Variants in RIN3 observed in about 807,000 individuals in gnomAD.
RIN3 encodes the protein RAB5 interacting protein 3.
A neutral mutation model predicts 76.3 loss-of-function variants in RIN3; 54 were observed. The ratio of observed to expected loss-of-function variants is 0.71; its 90% CI spans 0.57 to 0.89. The LOEUF (loss-of-function observed/expected upper bound fraction) is 0.89, where lower values mean the gene tolerates loss of function less well. RIN3 is among the 40% of genes least tolerant of loss of function. RIN3 has a pLI of 0.00. For synonymous variants in RIN3, 576 were observed against 564.0 expected, an observed-to-expected ratio of 1.02 and a Z score of -0.30; for missense variants, 1,256 against 1,322.1, an observed-to-expected ratio of 0.95 and a Z score of 0.78.
In RIN3 at chr14:92,537,634, C is replaced by CTTTTTTTTTTTTTTTTTTT. The variant is rs576683908; in HGVS notation, c.45-18108_45-18090dup. ...CAGCTATAAGTGAGTGCCTTAGGGA[C>CTTTTTTTTTTTTTTTTTTT]TTTTTTTTTTTTTTTTTTTTTTTTT... On this transcript the variant is annotated intron_variant, in intron 1 of 9. Transcript: ENST00000216487. Among the ~76,000 whole-genome samples, 45 of 51,636 alleles carry CTTTTTTTTTTTTTTTTTTT rather than the reference C, an allele frequency of 8.7e-4. 1 individual carries two copies. The highest frequency in any genetic ancestry group is 1.6e-3 in the East Asian group (2 of 1,264). The allele number at this position is 51,636 out of a possible 152,430, so 33.9% of individuals were successfully genotyped here. A position where few individuals can be genotyped will look rare whatever the true frequency, so the allele number is the denominator to read the frequency against.
intron 7 of RIN3, among the ~76,000 whole-genome samples, chr14:92,673,865 C>T (rs1486828076): frequency 6.6e-6 from 1 of 152,216 alleles, no homozygotes; most frequent in African/African-American, 2.4e-5. Context: ...TACTGTGCAA[C>T]AGGAGCAGTC....
intron 1 of RIN3, among the ~76,000 whole-genome samples, chr14:92,516,175 T>C (rs931297768): frequency 6.6e-6 from 1 of 152,224 alleles, no homozygotes; most frequent in Non-Finnish European, 1.5e-5. Context: ...GGAAAAGGAT[T>C]CCACTGCTGG....
At chr14:92,548,077 C>G (rs1897329811) in intron 1 of RIN3, among the ~76,000 whole-genome samples, 1 of 152,172 alleles carries the variant, frequency 6.6e-6, no homozygotes, top group South Asian at 2.1e-4. Flanking sequence ...CCCTTAACGT[C>G]TCTGAAATAA....
chr14:92,659,804 CAT>C (rs1039521058), intron 7 of RIN3, among the ~76,000 whole-genome samples: 8 of 152,338 alleles, frequency 5.3e-5, no homozygotes, highest in Admixed American at 3.3e-4. Context: ...CCAGCAGAAA[CAT>C]ATTGTCTCAC....
intron 7 of RIN3, among the ~76,000 whole-genome samples, chr14:92,672,387 G>A (rs1395078676): frequency 1.3e-5 from 2 of 152,170 alleles, no homozygotes; most frequent in Admixed American, 1.3e-4. Flanking sequence ...ACTCCAGCCT[G>A]GGCGACAAGA....
chr14:92,608,155 C>A (rs1239905817), intron 3 of RIN3, among the ~76,000 whole-genome samples: 1 of 152,124 alleles, frequency 6.6e-6, no homozygotes, highest in Non-Finnish European at 1.5e-5. Context: ...CACACACACA[C>A]AAATGAGTGC....
intron 1 of RIN3, among the ~76,000 whole-genome samples, chr14:92,549,936 C>T (rs1278995883): frequency 6.6e-6 from 1 of 152,192 alleles, no homozygotes; most frequent in African/African-American, 2.4e-5. Context: ...CCCGGTTCTG[C>T]CTTTGCAGGG....
intron 3 of RIN3, among the ~76,000 whole-genome samples, 171 bp downstream of exon 3, chr14:92,577,648 G>A (rs74072971): frequency 0.015 from 2,270 of 152,292 alleles, 58 homozygotes; most frequent in African/African-American, 0.051. Flanking sequence ...TTTGAACTCA[G>A]TTCATCATCC....
At chr14:92,666,523 T>C (rs1399821630) in intron 7 of RIN3, among the ~76,000 whole-genome samples, 2 of 152,118 alleles carry the variant, frequency 1.3e-5, no homozygotes, top group Non-Finnish European at 2.9e-5. Flanking sequence ...ATTGGGGAGT[T>C]CACGGAAGCA....
intron 4 of RIN3, among the ~76,000 whole-genome samples, chr14:92,620,785 T>C (rs1431080136): frequency 1.3e-5 from 2 of 152,154 alleles, no homozygotes; most frequent in African/African-American, 4.8e-5. Context: ...ACATAATGAA[T>C]ATTTTAATCC....
chr14:92,620,965 A>T (rs1307849429), intron 4 of RIN3, among the ~76,000 whole-genome samples: 2 of 152,208 alleles, frequency 1.3e-5, no homozygotes, highest in East Asian at 3.8e-4. Context: ...CTTTGCACTA[A>T]ATCCAGCTTC....
intron 5 of RIN3, among the ~76,000 whole-genome samples, chr14:92,646,931 G>A (rs151250626): frequency 0.013 from 2,049 of 152,332 alleles, 26 homozygotes; most frequent in Non-Finnish European, 0.02. Context: ...GTGACTTTCA[G>A]TTTTTTCCCT....
chr14:92,554,806 C>G (rs893152061), intron 1 of RIN3, among the ~76,000 whole-genome samples: 10 of 152,050 alleles, frequency 6.6e-5, no homozygotes, highest in Admixed American at 6.6e-4. Context: ...GCCTGTAATC[C>G]CAGCTACTCG....
intron 1 of RIN3, among the ~76,000 whole-genome samples, chr14:92,539,919 G>A (rs1440690057): frequency 6.6e-6 from 1 of 152,176 alleles, no homozygotes; most frequent in Admixed American, 6.5e-5. Context: ...CTGGCGTGGT[G>A]GGAGCCACCA....
intron 3 of RIN3, among the ~76,000 whole-genome samples, chr14:92,608,055 G>A (rs542862627): frequency 6.6e-6 from 1 of 152,360 alleles, no homozygotes; most frequent in South Asian, 2.1e-4. Context: ...GCACAAGGGA[G>A]CTCTGTGGTG....
chr14:92,577,658 C>T (rs1898293916), intron 3 of RIN3, among the ~76,000 whole-genome samples, 181 bp downstream of exon 3: 1 of 152,212 alleles, frequency 6.6e-6, no homozygotes, highest in Non-Finnish European at 1.5e-5. Context: ...GTTCATCATC[C>T]AAAGTCAGTG....
intron 2 of RIN3, among the ~76,000 whole-genome samples, chr14:92,576,569 C>T (rs1042739864): frequency 6.6e-6 from 1 of 152,182 alleles, no homozygotes; most frequent in African/African-American, 2.4e-5. Flanking sequence ...CCAGTTCTTC[C>T]CTTATAGCTG....
At chr14:92,576,619 T>A (rs1020817908) in intron 2 of RIN3, among the ~76,000 whole-genome samples, 2 of 152,162 alleles carry the variant, frequency 1.3e-5, no homozygotes, top group African/African-American at 4.8e-5. Context: ...GCGTGTCCTG[T>A]GGGCCAAGCC....
intron 4 of RIN3, among the ~76,000 whole-genome samples, chr14:92,627,336 T>C (rs1886392527): frequency 6.6e-6 from 1 of 152,244 alleles, no homozygotes; most frequent in African/African-American, 2.4e-5. Context: ...CACAGGAAAT[T>C]AGGTCCCTCT....
Sources: gnomAD v4.1 joint callset for allele counts (sites outside exome capture counted in the v4.1 genomes callset) on GRCh38, gnomAD v4.1.1 for gene constraint, MANE v1.5 for transcripts, NCBI Gene and HGNC (gene_info 2026-07-23, HGNC 2026-07-21) for gene names.